The following DIAPH2 variants were observed in gnomAD, a reference collection of about 807,000 sequenced individuals.
The protein encoded by DIAPH2 is diaphanous related formin 2.
In DIAPH2, 35 loss-of-function variants were observed where a neutral mutation model predicts 92.7. That is an observed-to-expected ratio of 0.38 (90% CI 0.29 to 0.50). The LOEUF (loss-of-function observed/expected upper bound fraction) is 0.50, where lower values mean the gene tolerates loss of function less well. DIAPH2 is among the 20% of genes least tolerant of loss of function. The pLI is 0.94. For missense variants in DIAPH2, 701 were observed against 819.5 expected (o/e 0.86, Z 1.77); for synonymous variants, 301 against 280.4 (o/e 1.07, Z -0.73).
At chrX:97,228,043 C>T (rs1028862418) in intron 22 of DIAPH2, among the ~76,000 whole-genome samples, 8 of 110,839 alleles carry the variant, frequency 7.2e-5, no homozygotes, top group East Asian at 2.8e-4. Flanking sequence ...TGGGACCACA[C>T]GCATGTGCCA....
chrX:97,227,667 A>G (rs773053754), intron 22 of DIAPH2, among the ~76,000 whole-genome samples: 177 of 112,420 alleles, frequency 1.6e-3, no homozygotes, highest in African/African-American at 5.6e-3. Context: ...TAAGTCTTAC[A>G]AAGTCAAAGT....
At chrX:97,369,071 C>T (rs1471288509) in intron 24 of DIAPH2, among the ~76,000 whole-genome samples, 1 of 109,545 alleles carries the variant, frequency 9.1e-6, no homozygotes, top group Non-Finnish European at 1.9e-5. Flanking sequence ...CCACGCCTGG[C>T]TGATTTTTGT....
At chrX:96,964,293 CT>C (rs1190330326) in intron 16 of DIAPH2, among the ~76,000 whole-genome samples, 1 of 111,981 alleles carries the variant, frequency 8.9e-6, no homozygotes, top group East Asian at 2.8e-4. Context: ...ATGTAGTTTT[CT>C]TTTTAAAAAA....
chrX:96,770,017 GTAAAACACCATTT>G (rs2064328267), intron 4 of DIAPH2, among the ~76,000 whole-genome samples: 2 of 111,123 alleles, frequency 1.8e-5, no homozygotes, highest in African/African-American at 3.3e-5. Context: ...GGCCAACATG[GTAAAACACCATTT>G]CTACTAAAAC....
chrX:97,439,578 A>G lies in DIAPH2; in HGVS notation c.3241+9833A>G, dbSNP rs185314689. On this transcript the variant is annotated intron_variant, in intron 26 of 26. Coordinates refer to ENST00000324765, the MANE Select transcript of DIAPH2 (RefSeq NM_006729.5). ...GGGCGAGACTCCGTCTCAAAAAAAA[A>G]AAAAGAAAAGAAAAGAAAATTAGCC... Among the ~76,000 whole-genome samples the G allele has an allele frequency of 7.1e-3, 778 of 109,429 alleles. 7 individuals carry two copies. Among genetic ancestry groups the G allele is most frequent in the African/African-American group, 0.024 (724 of 30,174 alleles).
intron 24 of DIAPH2, among the ~76,000 whole-genome samples, chrX:97,349,452 A>G (rs1238300213): frequency 1.8e-5 from 2 of 111,315 alleles, no homozygotes; most frequent in Non-Finnish European, 3.8e-5. Context: ...CCAAAGCAGT[A>G]CTTTCTTTGT....
At chrX:96,990,285 G>A (rs1031899588) in intron 17 of DIAPH2, among the ~76,000 whole-genome samples, 3 of 112,450 alleles carry the variant, frequency 2.7e-5, no homozygotes, top group Non-Finnish European at 5.6e-5. Context: ...CAGGGCTTTT[G>A]TTCTGGTTAT....
At position 96,771,036 on chromosome X, in the gene DIAPH2, C is replaced by T. The variant is rs780303131; in HGVS notation, c.447+12778C>T. ...GGAACACTATCGTATCAGTTCCTTCCCTTCCCGTGCATTGTCATAAATTGC... is the reference window on the plus strand; with the variant it reads ...GGAACACTATCGTATCAGTTCCTTCTCTTCCCGTGCATTGTCATAAATTGC... On this transcript the variant is annotated intron_variant, in intron 4 of 26. Transcript: ENST00000324765. 3.6e-5 allele frequency among the ~76,000 whole-genome samples: 4 copies of T among 111,369 alleles called. No individual in the cohort carries two copies. The East Asian group carries it at 1.1e-3, about 31-fold the overall frequency.
chrX:96,796,492 C>T (rs1039700768), intron 4 of DIAPH2, among the ~76,000 whole-genome samples: 3 of 112,068 alleles, frequency 2.7e-5, no homozygotes, highest in African/African-American at 9.7e-5. Context: ...TATTTGTTTT[C>T]TATCCTATCT....
intron 17 of DIAPH2, among the ~76,000 whole-genome samples, chrX:97,032,417 T>G (rs2066382344): frequency 9.0e-6 from 1 of 111,554 alleles, no homozygotes; most frequent in Admixed American, 9.6e-5. Context: ...ATTACTAAAT[T>G]ACGGTTCTAT....
chrX:97,204,749 A>C lies in DIAPH2; in HGVS notation c.2720-42966A>C, dbSNP rs145226599. Reference sequence around the variant, plus strand: ...ATTGTCAAAATGGCCATACTGCCCAAAGTAATGTATGGATTCAGTGCTATT... The same window carrying C: ...ATTGTCAAAATGGCCATACTGCCCACAGTAATGTATGGATTCAGTGCTATT... On this transcript the variant is annotated intron_variant, in intron 22 of 26. Transcript: ENST00000324765. 2.8e-3 allele frequency among the ~76,000 whole-genome samples: 315 copies of C among 111,963 alleles called. 1 individual carries two copies. The highest frequency in any genetic ancestry group is 9.8e-3 in the African/African-American group (303 of 30,839).
In DIAPH2 at chrX:97,114,916, G is replaced by C; in HGVS notation, c.2540G>C (p.Gly847Ala). Residue 847 changes from glycine (G) to alanine (A), a missense_variant, in exon 21 of 27, where the codon GGC (glycine) becomes GCC (alanine). Physicochemically the swap from Gly to Ala is moderately conservative, Grantham distance 60. Coordinates refer to ENST00000324765, the MANE Select transcript of DIAPH2 (RefSeq NM_006729.5). The stretch of plus-strand genomic sequence containing the variant: ...CTTGTTGGAAACTACATGAACTCAG[G>C]CTCAAGAAATGCCCAGTCTTTGGGA... Reference protein sequence around the residue: ...VLLVGNYMNSGSRNAQSLGFK... With the variant: ...VLLVGNYMNSASRNAQSLGFK... 8.3e-7 allele frequency: 1 copy of C among 1,200,891 alleles called. No homozygotes were observed. Among genetic ancestry groups the C allele is most frequent in the South Asian group, 1.8e-5 (1 of 54,873 alleles).
At chrX:96,827,160 TAAAAC>T (rs2064821296) in intron 4 of DIAPH2, among the ~76,000 whole-genome samples, 1 of 112,422 alleles carries the variant, frequency 8.9e-6, no homozygotes, top group Non-Finnish European at 1.9e-5. Flanking sequence ...AATGATCTAT[TAAAAC>T]AAAACATTCT....
intron 22 of DIAPH2, among the ~76,000 whole-genome samples, chrX:97,192,293 CAAA>C (rs773665704): frequency 2.7e-3 from 87 of 32,383 alleles, no homozygotes; most frequent in African/African-American, 9.8e-3. Flanking sequence ...GACTCCGTCT[CAAA>C]AAAAAAAAAA....
intron 17 of DIAPH2, among the ~76,000 whole-genome samples, chrX:97,022,415 G>T: frequency 8.9e-6 from 1 of 111,843 alleles, no homozygotes; most frequent in South Asian, 3.7e-4. Context: ...CAGCTGTGAA[G>T]GTTAATTTTT....
intron 17 of DIAPH2, among the ~76,000 whole-genome samples, chrX:97,058,044 AGAGT>A (rs930379335): frequency 9.0e-6 from 1 of 111,388 alleles, no homozygotes; most frequent in Non-Finnish European, 1.9e-5. Flanking sequence ...ATTTCATTAA[AGAGT>A]GATTCCAGGA....
chrX:97,418,475 G>A (rs571048114), intron 25 of DIAPH2, among the ~76,000 whole-genome samples: 54 of 111,846 alleles, frequency 4.8e-4, no homozygotes, highest in African/African-American at 1.6e-3. Flanking sequence ...TTGAAAAGCC[G>A]CTTCCATACC....
chrX:96,843,721 C>T (rs888926967), intron 4 of DIAPH2, among the ~76,000 whole-genome samples: 14 of 111,805 alleles, frequency 1.3e-4, no homozygotes, highest in Admixed American at 3.8e-4. Flanking sequence ...TTCAAGAGCC[C>T]AGCTCCTCCC....
chrX:97,457,223 G>C lies in DIAPH2; in HGVS notation c.3241+27478G>C, dbSNP rs1375360451. ...TTTAGTAGAGACGGGGTTTCACCATGTTGGCCAGGCTGTTCTCCAACTCCT... is the reference window on the plus strand; with the variant it reads ...TTTAGTAGAGACGGGGTTTCACCATCTTGGCCAGGCTGTTCTCCAACTCCT... On this transcript the variant is annotated intron_variant, in intron 26 of 26. Transcript: ENST00000324765. 1.3e-4 allele frequency among the ~76,000 whole-genome samples: 15 copies of C among 111,621 alleles called. No individual in the cohort carries two copies. In the East Asian group the frequency reaches 4.2e-3, roughly 32 times the overall value.
Sources: gnomAD v4.1 joint callset for allele counts (sites outside exome capture counted in the v4.1 genomes callset) on GRCh38, gnomAD v4.1.1 for gene constraint, MANE v1.5 for transcripts, NCBI Gene and HGNC (gene_info 2026-07-23, HGNC 2026-07-21) for gene names.